The following WDR64 variants were observed in gnomAD, a reference collection of about 807,000 sequenced individuals.
The protein encoded by WDR64 is WD repeat-containing protein 64.
WDR64 carries 112 observed loss-of-function variants against 139.3 expected under a neutral mutation model. The observed-to-expected ratio is 0.80, with a 90% CI of 0.69 to 0.94. The LOEUF (loss-of-function observed/expected upper bound fraction) is 0.94, where lower values mean the gene tolerates loss of function less well. Among genes scored for constraint, WDR64 ranks in the 40% least tolerant of loss-of-function variants. The pLI, the probability that WDR64 is intolerant of heterozygous loss-of-function variation, is 0.00. For missense variants in WDR64, 1,206 were observed against 1,293.1 expected (o/e 0.93, Z 1.03); for synonymous variants, 444 against 437.7 (o/e 1.01, Z -0.18).
chr1:241,767,351 T>TTC (rs141454828), intron 16 of WDR64, among the ~76,000 whole-genome samples: 16 of 151,716 alleles, frequency 1.1e-4, no homozygotes, highest in African/African-American at 1.5e-4. Context: ...TTTTTTTTTT[T>TTC]GCATTTGTTG....
chr1:241,713,080 G>A (rs1282911474), intron 9 of WDR64, among the ~76,000 whole-genome samples: 1 of 151,916 alleles, frequency 6.6e-6, no homozygotes, highest in Non-Finnish European at 1.5e-5. Flanking sequence ...GCTGAGACAG[G>A]AGGATCGCTT....
intron 8 of WDR64, among the ~76,000 whole-genome samples, chr1:241,688,662 G>C (rs983583046): frequency 6.6e-6 from 1 of 152,160 alleles, no homozygotes; most frequent in Non-Finnish European, 1.5e-5. Flanking sequence ...GAGAGACAGA[G>C]GGGCAAACAC....
intron 8 of WDR64, among the ~76,000 whole-genome samples, chr1:241,710,216 CCT>C (rs1302101920): frequency 1.3e-5 from 2 of 152,028 alleles, no homozygotes; most frequent in East Asian, 3.9e-4. Flanking sequence ...CTGGGTGGCC[CCT>C]GTTTTCCAAT....
At position 241,703,095 on chromosome 1, in the gene WDR64, A is replaced by G. The variant is rs1667790363; in HGVS notation, c.975-8707A>G. Among the ~76,000 whole-genome samples, 1 of 152,114 alleles carries G rather than the reference A, an allele frequency of 6.6e-6. No homozygotes were observed. The highest frequency in any genetic ancestry group is 1.5e-5 in the Non-Finnish European group (1 of 68,026). On this transcript the variant is annotated intron_variant, in intron 8 of 27. Coordinates refer to ENST00000437684, the MANE Select transcript of WDR64 (RefSeq NM_001367482.1). This position sits in a 1 kb window ranked among gnomAD's most constrained non-coding sequence, Gnocchi z 5.9. ...GGCATTCTGAAATTTCTTTCCTCTTATATCATAAAGGAGAAAAGAGAAATG... is the reference window on the plus strand; with the variant it reads ...GGCATTCTGAAATTTCTTTCCTCTTGTATCATAAAGGAGAAAAGAGAAATG...
chr1:241,684,948 G>A (rs1221753683), intron 7 of WDR64, among the ~76,000 whole-genome samples: 4 of 151,908 alleles, frequency 2.6e-5, no homozygotes, highest in Admixed American at 6.6e-5. Context: ...TAGTAGCAAC[G>A]GGGTTTCACC....
intron 1 of WDR64, among the ~76,000 whole-genome samples, chr1:241,660,087 T>C (rs1184229818): frequency 6.6e-6 from 1 of 152,172 alleles, no homozygotes; most frequent in Non-Finnish European, 1.5e-5. Flanking sequence ...TTTTTGTAAA[T>C]GGTATAAGGA....
chr1:241,653,543 C>CTTTTTTTTTTTTTTT (rs33934176), intron 1 of WDR64, among the ~76,000 whole-genome samples: 2 of 137,120 alleles, frequency 1.5e-5, no homozygotes. Context: ...CTTTTCTTTT[C>CTTTTTTTTTTTTTTT]TTTTTTTTTT....
At chr1:241,734,144 T>G (rs1332062433) in intron 10 of WDR64, among the ~76,000 whole-genome samples, 2 of 152,116 alleles carry the variant, frequency 1.3e-5, no homozygotes, top group African/African-American at 4.8e-5. Flanking sequence ...CATCAGAAAC[T>G]TAAAAGAATG....
chr1:241,724,616 G>T (rs1668730918), intron 10 of WDR64, among the ~76,000 whole-genome samples: 1 of 152,068 alleles, frequency 6.6e-6, no homozygotes, highest in African/African-American at 2.4e-5. Context: ...CATTACATAT[G>T]AATTAAAGAT....
intron 1 of WDR64, among the ~76,000 whole-genome samples, chr1:241,655,133 T>C (rs868069299): frequency 1.3e-5 from 2 of 152,066 alleles, no homozygotes; most frequent in African/African-American, 4.8e-5. Flanking sequence ...GCCTATAATC[T>C]CAGCACTTTG....
rs1573976867 is a variant in WDR64, at chr1:241,652,545, G to C, written c.61G>C (p.Ala21Pro). The C allele has an allele frequency of 3.9e-6, 6 of 1,552,146 alleles. No individual in the cohort carries two copies. Among genetic ancestry groups the C allele is most frequent in the Non-Finnish European group, 5.2e-6 (6 of 1,147,098 alleles). Residue 21 changes from alanine to proline, a missense_variant, in exon 1 of 28, where the codon GCT becomes CCT. Coordinates refer to ENST00000437684, the MANE Select transcript of WDR64 (RefSeq NM_001367482.1). The part of the protein sequence containing the change: ...MALQMSNFKK[A>P]LNRFEKLVEQ... Reference sequence around the variant, plus strand: ...ACTTCAGATGAGCAATTTCAAAAAGGCTTTGAACAGGTTTGAAAAATTGGT... The same window carrying C: ...ACTTCAGATGAGCAATTTCAAAAAGCCTTTGAACAGGTTTGAAAAATTGGT...
intron 16 of WDR64, among the ~76,000 whole-genome samples, chr1:241,767,445 T>A (rs1203485977): frequency 1.3e-5 from 2 of 152,040 alleles, no homozygotes; most frequent in Non-Finnish European, 2.9e-5. Context: ...TTGGAACGTG[T>A]GCAAGGGCCA....
At chr1:241,705,491 G>T (rs954580942) in intron 8 of WDR64, among the ~76,000 whole-genome samples, 1 of 150,894 alleles carries the variant, frequency 6.6e-6, no homozygotes, top group African/African-American at 2.4e-5. Flanking sequence ...GCAGTGAGCC[G>T]AGATCGCGCC....
At chr1:241,720,055 T>G (rs528235295) in intron 9 of WDR64, among the ~76,000 whole-genome samples, 112 of 152,300 alleles carry the variant, frequency 7.4e-4, no homozygotes, top group African/African-American at 2.5e-3. Context: ...CATACAGTGT[T>G]TGGTTTTCTG....
intron 8 of WDR64, among the ~76,000 whole-genome samples, chr1:241,695,586 C>T (rs996089962): frequency 5.3e-5 from 8 of 152,152 alleles, no homozygotes; most frequent in Non-Finnish European, 1.2e-4. Flanking sequence ...GAGTAATAAA[C>T]GATAGTTCTC....
chr1:241,749,518 C>T lies in WDR64; in HGVS notation c.1595-29C>T, dbSNP rs772313882. On this transcript the variant is annotated intron_variant, in intron 13 of 27. Coordinates refer to ENST00000437684, the MANE Select transcript of WDR64 (RefSeq NM_001367482.1). ...CAAGCTTTCTCTAAGTCATTTTTAC[C>T]CACATAGTCTTTTTCTCTGTATGCT... 15 of 1,587,868 alleles carry T rather than the reference C, an allele frequency of 9.4e-6. No individual in the cohort carries two copies. The African/African-American group carries it at 1.6e-4, about 17-fold the overall frequency.
chr1:241,738,402 C>T lies in WDR64; in HGVS notation c.1234C>T (p.Gln412Ter). The change falls in exon 11 of 28, where the codon CAA becomes TAA. Residue 412 changes from glutamine (Q) to a stop codon, truncating the protein, a stop_gained. Coordinates refer to ENST00000437684, the MANE Select transcript of WDR64 (RefSeq NM_001367482.1). LOFTEE classifies it high-confidence loss of function. Reference sequence around the variant, plus strand: ...GGATATACAAACTCTTTCACTATTACAAGTCTTCCATGACAGCCAGGGAGG... The same window carrying T: ...GGATATACAAACTCTTTCACTATTATAAGTCTTCCATGACAGCCAGGGAGG... ...VWDIQTLSLL[Q>*]VFHDSQGGPG... is the part of the protein sequence containing the mutation. 1 of 1,613,904 alleles carries T rather than the reference C, an allele frequency of 6.2e-7. No homozygotes were observed.
At chr1:241,704,263 C>A (rs892267403) in intron 8 of WDR64, among the ~76,000 whole-genome samples, 1 of 152,106 alleles carries the variant, frequency 6.6e-6, no homozygotes, top group Admixed American at 6.5e-5. Context: ...GACCTGGGCT[C>A]AAGTCCAAAC....
At position 241,741,567 on chromosome 1, in the gene WDR64, A is replaced by T; in HGVS notation, c.1373A>T (p.Lys458Ile). Residue 458 changes from lysine to isoleucine, a missense_variant, in exon 12 of 28, where the codon AAA becomes ATA. Transcript: ENST00000437684. ...TTGACTAGGATGATACAAGATACAA[A>T]ACAGGTTCCTCACACTCATGAACGA... Reference protein sequence around the residue: ...YPLTRMIQDTKQVPHTHEREI... With the variant: ...YPLTRMIQDTIQVPHTHEREI... 1.2e-6 allele frequency: 2 copies of T among 1,613,610 alleles called. No individual in the cohort carries two copies. Among genetic ancestry groups the T allele is most frequent in the Non-Finnish European group, 1.7e-6 (2 of 1,179,826 alleles).
Sources: gnomAD v4.1 joint callset for allele counts (sites outside exome capture counted in the v4.1 genomes callset) on GRCh38, gnomAD v4.1.1 for gene constraint, Gnocchi (gnomAD v3.1) non-coding constraint, MANE v1.5 for transcripts, NCBI Gene and HGNC (gene_info 2026-07-23, HGNC 2026-07-21) for gene names.